EDA: variants seen among roughly 807,000 people sequenced by gnomAD.
EDA encodes ectodysplasin A, also known as ectodysplasin-A.
EDA carries 2 observed loss-of-function variants against 23.6 expected under a neutral mutation model. That is an observed-to-expected ratio of 0.08 (90% CI 0.03 to 0.27). EDA has a LOEUF of 0.27. EDA is among the 10% of genes least tolerant of loss of function. The pLI, the probability that EDA is intolerant of heterozygous loss-of-function variation, is 1.00. For missense variants in EDA, 229 were observed against 324.2 expected (o/e 0.71, Z 2.26); for synonymous variants, 131 against 132.0 (o/e 0.99, Z 0.05).
At chrX:69,921,691 G>A (rs1450704389) in intron 1 of EDA, among the ~76,000 whole-genome samples, 2 of 110,677 alleles carry the variant, frequency 1.8e-5, no homozygotes, top group African/African-American at 3.3e-5. Context: ...CTTAGGTTGG[G>A]CCTTTTTCCC....
At chrX:69,803,590 G>T (rs1313999352) in intron 1 of EDA, among the ~76,000 whole-genome samples, 1 of 110,998 alleles carries the variant, frequency 9.0e-6, no homozygotes, top group Non-Finnish European at 1.9e-5. Flanking sequence ...TTTTGCTGTC[G>T]CCGTAATGTA....
At chrX:69,637,115 C>G (rs1932786029) in intron 1 of EDA, among the ~76,000 whole-genome samples, 1 of 111,663 alleles carries the variant, frequency 9.0e-6, no homozygotes, top group South Asian at 3.7e-4. Flanking sequence ...AATAATCTCA[C>G]TAAGAAGAAT....
intron 1 of EDA, among the ~76,000 whole-genome samples, chrX:69,789,034 G>A (rs779342260): frequency 1.3e-4 from 15 of 112,327 alleles, no homozygotes; most frequent in African/African-American, 2.9e-4. Context: ...CGCAGTATTC[G>A]GGTGGGAGTG....
chrX:69,623,620 A>G (rs1362263818), intron 1 of EDA, among the ~76,000 whole-genome samples: 1 of 108,070 alleles, frequency 9.3e-6, no homozygotes, highest in African/African-American at 3.4e-5. Flanking sequence ...TCTGTATTCT[A>G]TCCTTCTTTT....
chrX:69,827,528 C>G lies in EDA; in HGVS notation c.397-129499C>G, dbSNP rs749547261. Among the ~76,000 whole-genome samples, 10 of 111,853 alleles carry G rather than the reference C, an allele frequency of 8.9e-5. No individual in the cohort carries two copies. In the East Asian group the frequency reaches 2.8e-3, roughly 31 times the overall value. On this transcript the variant is annotated intron_variant, in intron 1 of 7. Transcript: ENST00000374552. ...GCTTCTGCATTCTTCACATAGTTCT[C>G]GAGCCTTGGTTTTCAGCTCCATCAA...
rs755032188 is a variant in EDA at position 69,915,248 on chromosome X, C to T, written c.397-41779C>T. Among the ~76,000 whole-genome samples the T allele has an allele frequency of 8.1e-5, 9 of 111,460 alleles. No homozygotes were observed. In the South Asian group the frequency reaches 3.4e-3, roughly 42 times the overall value. On this transcript the variant is annotated intron_variant, in intron 1 of 7. Coordinates refer to ENST00000374552, the MANE Select transcript of EDA (RefSeq NM_001399.5). ...ACTTTATGTCCTCTGTAATCTTAAA[C>T]CCATGTTCTTCCAGATCACTAGCAA...
intron 1 of EDA, among the ~76,000 whole-genome samples, chrX:69,820,232 C>T (rs1374007041): frequency 2.7e-5 from 3 of 111,910 alleles, no homozygotes; most frequent in African/African-American, 9.7e-5. Context: ...ACACCATATA[C>T]AAAAATTAAC....
chrX:69,897,748 T>G (rs2018039143), intron 1 of EDA, among the ~76,000 whole-genome samples: 1 of 111,783 alleles, frequency 8.9e-6, no homozygotes, highest in African/African-American at 3.3e-5. Flanking sequence ...AGTCACCCTC[T>G]ATGGAGACAA....
At chrX:69,967,045 G>A (rs893922838) in intron 2 of EDA, among the ~76,000 whole-genome samples, 1 of 110,162 alleles carries the variant, frequency 9.1e-6, no homozygotes, top group Non-Finnish European at 1.9e-5. Flanking sequence ...ATTACCTTGG[G>A]TGGAAGAGGG....
chrX:69,838,626 C>CA (rs1190226576), intron 1 of EDA, among the ~76,000 whole-genome samples: 2 of 111,591 alleles, frequency 1.8e-5, no homozygotes, highest in South Asian at 3.7e-4. Flanking sequence ...GACTCCGTCT[C>CA]AAAAAAAATA....
chrX:69,777,424 G>A (rs988423067), intron 1 of EDA, among the ~76,000 whole-genome samples: 11 of 111,106 alleles, frequency 9.9e-5, no homozygotes, highest in African/African-American at 3.6e-4. Flanking sequence ...ACTATACGTA[G>A]TTTGTCATTT....
At chrX:70,006,235 C>T (rs1296681805) in intron 2 of EDA, among the ~76,000 whole-genome samples, 1 of 111,827 alleles carries the variant, frequency 8.9e-6, no homozygotes, top group East Asian at 2.8e-4. Flanking sequence ...GGTAAATAAA[C>T]ACCTAGGAGC....
intron 1 of EDA, among the ~76,000 whole-genome samples, chrX:69,701,352 C>T (rs1247046798): frequency 9.0e-6 from 1 of 111,436 alleles, no homozygotes; most frequent in Non-Finnish European, 1.9e-5. Context: ...GCCTGGTGGG[C>T]TTACCTGGGT....
At position 69,957,040 on chromosome X, in the gene EDA, A is replaced by G; in HGVS notation, c.410A>G (p.Asn137Ser). The G allele has an allele frequency of 1.7e-6, 2 of 1,210,686 alleles. No homozygotes were observed. The highest frequency in any genetic ancestry group is 1.1e-6 in the Non-Finnish European group (1 of 894,806). ...SQDGHQMALL[N>S]FFFPDEKPYS... The stretch of plus-strand genomic sequence containing the variant: ...TAATTTTTACAGATGGCCCTATTGA[A>G]TTTCTTCTTCCCTGATGAAAAGCCA... Residue 137 changes from asparagine (N) to serine (S), a missense_variant, in exon 2 of 8, where the codon AAT becomes AGT. By Grantham distance (46) the Asn-to-Ser change is conservative. This residue lies in a region of EDA where 175 missense variants were observed against 281.8 expected (regional missense o/e 0.62). Coordinates refer to ENST00000374552, the MANE Select transcript of EDA (RefSeq NM_001399.5).
chrX:69,747,180 A>G (rs149285399), intron 1 of EDA, among the ~76,000 whole-genome samples: 1,563 of 112,018 alleles, frequency 0.014, 20 homozygotes, highest in African/African-American at 0.046. Flanking sequence ...ATAGTGAGAA[A>G]AAAGCTAGTA....
chrX:69,633,561 G>A (rs754641505), intron 1 of EDA, among the ~76,000 whole-genome samples: 3 of 111,543 alleles, frequency 2.7e-5, no homozygotes, highest in African/African-American at 6.5e-5. Flanking sequence ...ACTTTCTGCC[G>A]CTATGGATTT....
chrX:69,667,334 C>T (rs998350350), intron 1 of EDA, among the ~76,000 whole-genome samples: 4 of 109,237 alleles, frequency 3.7e-5, no homozygotes, highest in East Asian at 5.8e-4. Flanking sequence ...AGGATGGTCT[C>T]GATCTCCTGA....
chrX:69,675,401 G>A (rs1208125922), intron 1 of EDA, among the ~76,000 whole-genome samples: 1 of 111,403 alleles, frequency 9.0e-6, no homozygotes, highest in Non-Finnish European at 1.9e-5. Flanking sequence ...TACTCATCGT[G>A]TCTAAAAATG....
rs768573972 is a variant in EDA, at chrX:69,631,218, TA to T, written c.396+14519del. Reference sequence around the variant, plus strand: ...CAACGTGGTGAAACCCCGTCTCTACTAAAAATACAAAAATCAACTGGGTGTG... The same window carrying T: ...CAACGTGGTGAAACCCCGTCTCTACTAAAATACAAAAATCAACTGGGTGTG... On this transcript the variant is annotated intron_variant, in intron 1 of 7. Transcript: ENST00000374552. Among the ~76,000 whole-genome samples, 10 of 108,873 alleles carry T rather than the reference TA, an allele frequency of 9.2e-5. No individual in the cohort carries two copies. The South Asian group carries it at 2.1e-3, about 22-fold the overall frequency. 94.5% of individuals were successfully genotyped at this position (108,873 alleles called of 115,157 possible). A position where few individuals can be genotyped will look rare whatever the true frequency, so the allele number is the denominator to read the frequency against.
Sources: gnomAD v4.1 joint callset for allele counts (sites outside exome capture counted in the v4.1 genomes callset) on GRCh38, gnomAD v4.1.1 for gene constraint, gnomAD v4.1.1 regional missense constraint, MANE v1.5 for transcripts, NCBI Gene and HGNC (gene_info 2026-07-23, HGNC 2026-07-21) for gene names.